PIGN: variants seen among roughly 807,000 people sequenced by gnomAD.
PIGN encodes phosphatidylinositol glycan anchor biosynthesis class N, also known as GPI ethanolamine phosphate transferase 1.
PIGN carries 117 observed loss-of-function variants against 125.4 expected under a neutral mutation model. The observed-to-expected ratio is 0.93, with a 90% CI of 0.80 to 1.09. The LOEUF (loss-of-function observed/expected upper bound fraction) is 1.09, where lower values mean the gene tolerates loss of function less well. PIGN is among the 50% of genes least tolerant of loss of function. The probability of loss-of-function intolerance (pLI) is 0.00; values close to 1 mark genes in which losing one functional copy is unlikely to be tolerated. For missense variants in PIGN, 1,075 were observed against 1,094.9 expected, an observed-to-expected ratio of 0.98 and a Z score of 0.26; for synonymous variants, 392 against 377.8, an observed-to-expected ratio of 1.04 and a Z score of -0.44.
At chr18:62,106,749 T>A in intron 19 of PIGN, 40 bp downstream of exon 19, 2 of 1,291,668 alleles carry the variant, frequency 1.5e-6, no homozygotes, top group Non-Finnish European at 1.1e-6. Context: ...CAAAACAAAG[T>A]AGTTACTAAT....
rs1378945420 is a variant in PIGN, at chr18:62,105,688, T to C, written c.1768-54A>G. The C allele has an allele frequency of 4.8e-6, 5 of 1,050,864 alleles. No individual in the cohort carries two copies. The Admixed American group carries it at 6.7e-5, about 14-fold the overall frequency. The allele number at this position is 1,050,864 out of a possible 1,614,324, so 65.1% of individuals were successfully genotyped here. A position where few individuals can be genotyped will look rare whatever the true frequency, so the allele number is the denominator to read the frequency against. ...ACAAATATGGTATAGAAAACTATCATTAGTGTTTCACAGACTATATGACTG... is the reference window on the plus strand; with the variant it reads ...ACAAATATGGTATAGAAAACTATCACTAGTGTTTCACAGACTATATGACTG... On this transcript the variant is annotated intron_variant, in intron 19 of 30. Coordinates refer to ENST00000640252, the MANE Select transcript of PIGN (RefSeq NM_176787.5).
chr18:62,144,366 C>T (rs2036243757), intron 10 of PIGN, among the ~76,000 whole-genome samples: 1 of 152,170 alleles, frequency 6.6e-6, no homozygotes, highest in African/African-American at 2.4e-5. Flanking sequence ...AATGATAGAG[C>T]ACTGCACTCG....
chr18:62,060,047 C>T (rs2032021808), intron 30 of PIGN, among the ~76,000 whole-genome samples: 1 of 152,160 alleles, frequency 6.6e-6, no homozygotes. Context: ...CTTACAGTGG[C>T]CTGAAATTAC....
At chr18:62,040,902 T>TA (rs1425076817), downstream of PIGN, among the ~76,000 whole-genome samples, 1 of 152,218 alleles carries the variant, frequency 6.6e-6, no homozygotes, top group African/African-American at 2.4e-5. Context: ...AAAACAACTT[T>TA]AAAAAATTCA....
chr18:62,121,265 C>T (rs2035294048), intron 14 of PIGN, among the ~76,000 whole-genome samples: 1 of 152,104 alleles, frequency 6.6e-6, no homozygotes, highest in Non-Finnish European at 1.5e-5. Context: ...AAAAGTTGTT[C>T]TAGTAAGTCA....
At chr18:62,121,117 G>A (rs558986572) in intron 14 of PIGN, among the ~76,000 whole-genome samples, 2 of 152,134 alleles carry the variant, frequency 1.3e-5, no homozygotes, top group Non-Finnish European at 2.9e-5. Context: ...CATTGGCAAG[G>A]GCATTTGCCA....
chr18:62,020,892 C>G (rs1230982449), intron 23 of PIGN, among the ~76,000 whole-genome samples: 1 of 148,676 alleles, frequency 6.7e-6, no homozygotes, highest in African/African-American at 2.5e-5. Context: ...ACCTGGCAGG[C>G]GGAGCTTGCA....
In PIGN at chr18:62,041,607, T is replaced by A. The variant is rs939284329; in HGVS notation, c.*4249A>T. ...AATTCTCATGCCTCAGGCTCCTGAGTAGCAAGGATTACAGGAGCCTACCAC... is the reference window on the plus strand; with the variant it reads ...AATTCTCATGCCTCAGGCTCCTGAGAAGCAAGGATTACAGGAGCCTACCAC... On this transcript the variant is annotated 3_prime_UTR_variant, in exon 31 of 31. Coordinates refer to ENST00000640252, the MANE Select transcript of PIGN (RefSeq NM_176787.5). 1 of 148,470 alleles carries A rather than the reference T, an allele frequency of 6.7e-6. No homozygotes were observed. The highest frequency in any genetic ancestry group is 2.5e-5 in the African/African-American group (1 of 39,502). The allele number at this position is 148,470 out of a possible 1,614,324, so 9.2% of individuals were successfully genotyped here.
intron 17 of PIGN, among the ~76,000 whole-genome samples, chr18:62,109,408 C>T (rs140108957): frequency 1.5e-3 from 228 of 152,200 alleles, no homozygotes; most frequent in East Asian, 4.2e-3. Context: ...TCTACACAAT[C>T]GCTAGGAAAG....
At position 62,090,543 on chromosome 18, in the gene PIGN, A is replaced by C. The variant is rs2146088249; in HGVS notation, c.2216T>G (p.Leu739Trp). Residue 739 changes from leucine (L) to tryptophan (W), a missense_variant, in exon 24 of 31, where the codon TTG becomes TGG. Physicochemically the swap from Leu to Trp is moderately conservative, Grantham distance 61 (BLOSUM62 -2). Transcript: ENST00000640252. ...EALFPLVLSCLMFVWINIEQE... is the reference protein window; with the variant it reads ...EALFPLVLSCWMFVWINIEQE... The stretch of plus-strand genomic sequence containing the variant: ...TTCTATGTTTATCCAGACAAACATC[A>C]AACAAGACAACACTAGTGGAAAGAG... The C allele has an allele frequency of 1.2e-6, 2 of 1,610,996 alleles. No homozygotes were observed. Among genetic ancestry groups the C allele is most frequent in the Non-Finnish European group, 8.5e-7 (1 of 1,177,802 alleles).
chr18:62,133,936 G>A (rs1387462566), intron 14 of PIGN, among the ~76,000 whole-genome samples: 2 of 152,018 alleles, frequency 1.3e-5, no homozygotes, highest in Non-Finnish European at 2.9e-5. Context: ...AGTTATTCCG[G>A]TACTTGCCTA....
intron 7 of PIGN, among the ~76,000 whole-genome samples, chr18:62,148,803 A>C (rs1209145108): frequency 1.3e-5 from 2 of 152,176 alleles, no homozygotes; most frequent in Non-Finnish European, 2.9e-5. Flanking sequence ...GAACATTGCA[A>C]ATAGCCTCCT....
chr18:62,045,158 C>A lies in PIGN; in HGVS notation c.*698G>T, dbSNP rs2030571007. 1 of 151,200 alleles carries A rather than the reference C, an allele frequency of 6.6e-6. No homozygotes were observed. Among genetic ancestry groups the A allele is most frequent in the South Asian group, 2.1e-4 (1 of 4,782 alleles). The allele number at this position is 151,200 out of a possible 1,614,324, so 9.4% of individuals were successfully genotyped here. On this transcript the variant is annotated 3_prime_UTR_variant, in exon 31 of 31. Transcript: ENST00000640252. Reference sequence around the variant, plus strand: ...TTTAAATGTTTTCCTATGTATAAGACAGAAATACCAAGCACTTTCTACTTT... The same window carrying A: ...TTTAAATGTTTTCCTATGTATAAGAAAGAAATACCAAGCACTTTCTACTTT...
Position 62,175,053 on chromosome 18 carries a change from T to A in PIGN, c.-235-11397A>T, listed in dbSNP as rs1392822381. 6.0e-4 allele frequency among the ~76,000 whole-genome samples: 81 copies of A among 135,306 alleles called. No individual in the cohort carries two copies. In the East Asian group the frequency reaches 0.015, roughly 25 times the overall value. The allele number at this position is 135,306 out of a possible 152,430, so 88.8% of individuals were successfully genotyped here. A position where few individuals can be genotyped will look rare whatever the true frequency, so the allele number is the denominator to read the frequency against. On this transcript the variant is annotated intron_variant, in intron 1 of 30. Coordinates refer to ENST00000640252, the MANE Select transcript of PIGN (RefSeq NM_176787.5). ...TTAGATATATATTATAAATATATAT[T>A]TTTATATATAATAAATATATATATT...
chr18:62,163,827 A>G (rs2037038364), intron 1 of PIGN, among the ~76,000 whole-genome samples, 171 bp from the exon 2 acceptor site: 1 of 152,214 alleles, frequency 6.6e-6, no homozygotes, highest in Non-Finnish European at 1.5e-5. Context: ...CGCATTAAAC[A>G]ACTCTCCATT....
intron 22 of PIGN, among the ~76,000 whole-genome samples, chr18:62,098,190 C>T (rs1435094615): frequency 6.6e-6 from 1 of 152,188 alleles, no homozygotes; most frequent in Non-Finnish European, 1.5e-5. Flanking sequence ...TATTAGTCAA[C>T]ATCTTCTAAA....
chr18:62,040,833 T>C (rs1205623157), downstream of PIGN, among the ~76,000 whole-genome samples: 1 of 152,234 alleles, frequency 6.6e-6, no homozygotes, highest in Non-Finnish European at 1.5e-5. Context: ...CAATTACCTG[T>C]GTTGGTCCCT....
intron 30 of PIGN, among the ~76,000 whole-genome samples, chr18:62,060,541 A>C (rs1037960461): frequency 8.5e-5 from 13 of 152,238 alleles, no homozygotes; most frequent in African/African-American, 3.1e-4. Flanking sequence ...ACACTTATTA[A>C]TTACATTTAG....
At chr18:62,046,374 T>C (rs2030685212) in intron 30 of PIGN, among the ~76,000 whole-genome samples, 1 of 151,588 alleles carries the variant, frequency 6.6e-6, no homozygotes, top group Admixed American at 6.6e-5. Context: ...AGGAGGTGAG[T>C]GGTGGACCAG....
Sources: gnomAD v4.1 joint callset for allele counts (sites outside exome capture counted in the v4.1 genomes callset) on GRCh38, gnomAD v4.1.1 for gene constraint, MANE v1.5 for transcripts, NCBI Gene and HGNC (gene_info 2026-07-23, HGNC 2026-07-21) for gene names.